The following SPAG17 variants were observed in gnomAD, a reference collection of about 807,000 sequenced individuals.
SPAG17 encodes the protein sperm associated antigen 17, also known as sperm-associated antigen 17.
SPAG17 carries 169 observed loss-of-function variants against 273.6 expected under a neutral mutation model. That is an observed-to-expected ratio of 0.62 (90% CI 0.55 to 0.70). SPAG17 has a LOEUF of 0.70. Ranked by LOEUF, SPAG17 falls within the 30% of genes least tolerant of loss-of-function variation. SPAG17 has a pLI of 0.00. For synonymous variants in SPAG17, 825 were observed against 873.2 expected, an observed-to-expected ratio of 0.94 and a Z score of 0.97; for missense variants, 2,557 against 2,627.8, an observed-to-expected ratio of 0.97 and a Z score of 0.59.
chr1:118,032,955 A>G (rs1272717223), intron 24 of SPAG17, among the ~76,000 whole-genome samples: 1 of 152,116 alleles, frequency 6.6e-6, no homozygotes, highest in Non-Finnish European at 1.5e-5. Context: ...TGCCTGTAAT[A>G]ATTACTCATG....
chr1:118,038,508 T>C (rs924408725), intron 23 of SPAG17, among the ~76,000 whole-genome samples: 1 of 152,150 alleles, frequency 6.6e-6, no homozygotes, highest in Non-Finnish European at 1.5e-5. Context: ...TGCCAAAAGC[T>C]GGAGGCAACC....
At chr1:118,150,270 G>A (rs1032433935) in intron 3 of SPAG17, 41 of 246,632 alleles carry the variant, frequency 1.7e-4, no homozygotes, top group Non-Finnish European at 3.8e-5. Context: ...GTCTATAGAA[G>A]TTTCTGATTT....
intron 13 of SPAG17, among the ~76,000 whole-genome samples, chr1:118,085,578 A>G (rs1462384261): frequency 6.6e-6 from 1 of 152,106 alleles, no homozygotes; most frequent in African/African-American, 2.4e-5. Context: ...ACTTCTCTGT[A>G]AGTAGGATGG....
At chr1:118,172,745 C>T (rs1217847573) in intron 1 of SPAG17, among the ~76,000 whole-genome samples, 1 of 152,130 alleles carries the variant, frequency 6.6e-6, no homozygotes, top group Non-Finnish European at 1.5e-5. Flanking sequence ...ATTCTCTTTA[C>T]TGGTACCATG....
At chr1:117,994,649 T>A (rs1284075592) in intron 34 of SPAG17, 119 bp from the exon 35 acceptor site, 2 of 997,978 alleles carry the variant, frequency 2.0e-6, no homozygotes, top group Non-Finnish European at 2.9e-6. Flanking sequence ...GAAAGACTAA[T>A]GAGACACAAT....
At chr1:117,960,129 TGTG>T (rs1652849708) in intron 48 of SPAG17, 1 of 147,682 alleles carries the variant, frequency 6.8e-6, no homozygotes, top group Admixed American at 6.6e-5. Flanking sequence ...TGTGTGTGTG[TGTG>T]TGTGTGTGTG....
intron 32 of SPAG17, among the ~76,000 whole-genome samples, chr1:117,996,973 T>C (rs143028779): frequency 3.7e-4 from 56 of 152,212 alleles, no homozygotes; most frequent in African/African-American, 1.3e-3. Context: ...GACTGAAACA[T>C]ATTCAGAATG....
intron 18 of SPAG17, among the ~76,000 whole-genome samples, chr1:118,060,521 G>T (rs1652174303): frequency 6.6e-6 from 1 of 152,010 alleles, no homozygotes; most frequent in African/African-American, 2.4e-5. Context: ...TAATACATTT[G>T]TCTTTTAACT....
chr1:118,085,450 G>A (rs754548029), intron 13 of SPAG17, among the ~76,000 whole-genome samples: 2 of 152,316 alleles, frequency 1.3e-5, no homozygotes, highest in Admixed American at 6.5e-5. Flanking sequence ...GATGATAAAA[G>A]AGTGCAGTGG....
intron 29 of SPAG17, 87 bp downstream of exon 29, chr1:118,015,878 A>C: frequency 8.6e-7 from 1 of 1,157,060 alleles, no homozygotes; most frequent in Middle Eastern, 2.8e-4. Flanking sequence ...TTATTGAAAA[A>C]ATATTATCAG....
intron 3 of SPAG17, among the ~76,000 whole-genome samples, chr1:118,139,420 T>G (rs992927777): frequency 6.6e-6 from 1 of 152,170 alleles, no homozygotes; most frequent in Non-Finnish European, 1.5e-5. Context: ...CTCAAAAAAC[T>G]GTAAATAGAA....
chr1:117,997,175 T>C (rs1039597114), intron 32 of SPAG17, among the ~76,000 whole-genome samples: 5 of 152,084 alleles, frequency 3.3e-5, no homozygotes, highest in African/African-American at 9.7e-5. Flanking sequence ...GTAGAATACA[T>C]TGGGAAATAG....
intron 15 of SPAG17, among the ~76,000 whole-genome samples, chr1:118,078,759 A>T (rs1319257022): frequency 6.6e-6 from 1 of 152,064 alleles, no homozygotes; most frequent in African/African-American, 2.4e-5. Context: ...TTCTCTTGCT[A>T]GTTTAATAAG....
chr1:118,072,942 G>A (rs1653747222), intron 17 of SPAG17, among the ~76,000 whole-genome samples: 2 of 151,888 alleles, frequency 1.3e-5, no homozygotes, highest in South Asian at 4.2e-4. Flanking sequence ...AGATCACCGA[G>A]TAAAGTAACA....
intron 31 of SPAG17, among the ~76,000 whole-genome samples, chr1:118,006,498 T>C (rs1438255232): frequency 6.6e-6 from 1 of 152,256 alleles, no homozygotes; most frequent in Non-Finnish European, 1.5e-5. Flanking sequence ...ACTTATGAGT[T>C]GCCATCATTT....
chr1:117,981,162 G>T, intron 43 of SPAG17, 108 bp downstream of exon 43: 2 of 1,249,384 alleles, frequency 1.6e-6, no homozygotes. Context: ...TGACCCTCTC[G>T]ATTTTTTTCT....
chr1:118,037,706 G>A (rs1445049633), intron 23 of SPAG17, among the ~76,000 whole-genome samples: 3 of 152,234 alleles, frequency 2.0e-5, no homozygotes, highest in African/African-American at 4.8e-5. Flanking sequence ...ATAACATTCC[G>A]TAGTGTGTAT....
chr1:117,961,765 A>C (rs1172891724), intron 48 of SPAG17: 1 of 152,362 alleles, frequency 6.6e-6, no homozygotes, highest in African/African-American at 2.4e-5. Flanking sequence ...AGAATAAATA[A>C]GTGAATTTTG....
At chr1:117,954,148 AGG>A in intron 48 of SPAG17, 99 bp from the exon 49 acceptor site, 1 of 1,508,122 alleles carries the variant, frequency 6.6e-7, no homozygotes, top group Admixed American at 1.9e-5. Context: ...GGAATTCCCA[AGG>A]AGAAAAACCA....
Sources: gnomAD v4.1 joint callset for allele counts (sites outside exome capture counted in the v4.1 genomes callset) on GRCh38, gnomAD v4.1.1 for gene constraint, MANE v1.5 for transcripts, NCBI Gene and HGNC (gene_info 2026-07-23, HGNC 2026-07-21) for gene names.